NCAM2: variants seen among roughly 807,000 people sequenced by gnomAD.
The protein encoded by NCAM2 is N-CAM-2.
In NCAM2, 30 loss-of-function variants were observed where a neutral mutation model predicts 98.1. That is an observed-to-expected ratio of 0.31 (90% CI 0.23 to 0.41). NCAM2 has a LOEUF of 0.41. Ranked by LOEUF, NCAM2 falls within the 10% of genes least tolerant of loss-of-function variation. The pLI is 1.00. For missense variants in NCAM2, 867 were observed against 1,005.8 expected (o/e 0.86, Z 1.87); for synonymous variants, 368 against 342.4 (o/e 1.07, Z -0.83).
chr21:21,485,781 CTG>C (rs1986298344), intron 15 of NCAM2, among the ~76,000 whole-genome samples: 1 of 152,166 alleles, frequency 6.6e-6, no homozygotes, highest in African/African-American at 2.4e-5. Context: ...GTTCTGGACT[CTG>C]TGATTCATTC....
intron 12 of NCAM2, among the ~76,000 whole-genome samples, chr21:21,441,333 AG>A (rs1243691751): frequency 6.6e-6 from 1 of 152,194 alleles, no homozygotes. Flanking sequence ...TCTGGCACAA[AG>A]TGATTACTCA....
chr21:21,043,001 A>G (rs772479752), intron 1 of NCAM2, among the ~76,000 whole-genome samples: 10 of 152,234 alleles, frequency 6.6e-5, no homozygotes, highest in Admixed American at 2.6e-4. Flanking sequence ...TTACTCAAGC[A>G]TTTATGTTTT....
chr21:21,154,775 T>C (rs1297485085), intron 1 of NCAM2, among the ~76,000 whole-genome samples: 2 of 151,830 alleles, frequency 1.3e-5, no homozygotes, highest in Non-Finnish European at 2.9e-5. Flanking sequence ...ATACTCTGAG[T>C]TACAAATTGT....
intron 1 of NCAM2, among the ~76,000 whole-genome samples, chr21:21,031,838 ACG>A (rs1169291519): frequency 7.9e-5 from 12 of 151,934 alleles, no homozygotes; most frequent in Non-Finnish European, 1.5e-4. Context: ...ACTCACACAC[ACG>A]TGTGCTTGTG....
chr21:21,290,188 C>T (rs1291868218), intron 4 of NCAM2: 1 of 151,774 alleles, frequency 6.6e-6, no homozygotes, highest in East Asian at 1.9e-4. Context: ...TATATTTTTC[C>T]TAATTCACAT....
chr21:21,158,124 A>T (rs999267112), intron 1 of NCAM2, among the ~76,000 whole-genome samples: 5 of 152,182 alleles, frequency 3.3e-5, no homozygotes, highest in Admixed American at 6.5e-5. Flanking sequence ...TACTGGCAAA[A>T]CTACCCTCTT....
At chr21:21,015,417 A>G (rs1490353136) in intron 1 of NCAM2, among the ~76,000 whole-genome samples, 1 of 152,218 alleles carries the variant, frequency 6.6e-6, no homozygotes, top group Non-Finnish European at 1.5e-5. Context: ...AACCATTTAC[A>G]TGGAGGCAAG....
In NCAM2 at chr21:21,007,077, C is replaced by T. The variant is rs148957764; in HGVS notation, c.55+8459C>T. ...ATTTTTTACTGCACAAGTTTTCAGA[C>T]CCCAGAGATTTTCAGGGATGCAAAT... On this transcript the variant is annotated intron_variant, in intron 1 of 17. Coordinates refer to ENST00000400546, the MANE Select transcript of NCAM2 (RefSeq NM_004540.5). Among the ~76,000 whole-genome samples the T allele has an allele frequency of 6.1e-3, 933 of 152,196 alleles. 30 individuals carry two copies. In the South Asian group the frequency reaches 0.086, roughly 14 times the overall value.
chr21:21,318,845 A>G (rs2074293744), intron 5 of NCAM2, among the ~76,000 whole-genome samples: 1 of 152,234 alleles, frequency 6.6e-6, no homozygotes, highest in Non-Finnish European at 1.5e-5. Context: ...AAGAGTGAAG[A>G]CTTATTTATA....
intron 1 of NCAM2, among the ~76,000 whole-genome samples, chr21:21,267,187 T>C (rs1568860480): frequency 6.6e-6 from 1 of 152,160 alleles, no homozygotes; most frequent in Admixed American, 6.6e-5. Context: ...TAGTTAGACA[T>C]AAATAAAGCA....
chr21:21,472,081 A>G (rs1373023244), intron 14 of NCAM2, among the ~76,000 whole-genome samples: 1 of 152,082 alleles, frequency 6.6e-6, no homozygotes, highest in African/African-American at 2.4e-5. Flanking sequence ...CATATAATTT[A>G]GTACATAGAT....
chr21:21,107,799 G>C (rs1202689604), intron 1 of NCAM2, among the ~76,000 whole-genome samples: 1 of 151,962 alleles, frequency 6.6e-6, no homozygotes, highest in Non-Finnish European at 1.5e-5. Flanking sequence ...CTACCCAGTG[G>C]ATATGAGCTG....
In NCAM2 at chr21:21,437,734, A is replaced by G. The variant is rs542290085; in HGVS notation, c.1654+5453A>G. ...TGCTCCTCTAGCTCCTGGTCTTTCCACACACTTCATTTTTGATGTTTCAGA... is the reference window on the plus strand; with the variant it reads ...TGCTCCTCTAGCTCCTGGTCTTTCCGCACACTTCATTTTTGATGTTTCAGA... On this transcript the variant is annotated intron_variant, in intron 12 of 17. Coordinates refer to ENST00000400546, the MANE Select transcript of NCAM2 (RefSeq NM_004540.5). Among the ~76,000 whole-genome samples the G allele has an allele frequency of 6.6e-5, 10 of 152,168 alleles. No homozygotes were observed. In the South Asian group the frequency reaches 2.1e-3, roughly 32 times the overall value.
At chr21:21,385,679 T>C (rs2076257225) in intron 9 of NCAM2, 2 of 1,283,950 alleles carry the variant, frequency 1.6e-6, no homozygotes, top group Non-Finnish European at 2.0e-6. Context: ...GAAGCAGGAA[T>C]TGAACTAAAC....
chr21:21,428,498 A>T (rs532126260), intron 11 of NCAM2, among the ~76,000 whole-genome samples: 1 of 152,188 alleles, frequency 6.6e-6, no homozygotes, highest in Non-Finnish European at 1.5e-5. Flanking sequence ...CTTTACAAAG[A>T]TTGATTTTGC....
At chr21:21,238,026 G>C (rs1380156523) in intron 1 of NCAM2, among the ~76,000 whole-genome samples, 1 of 139,600 alleles carries the variant, frequency 7.2e-6, no homozygotes, top group Non-Finnish European at 1.5e-5. Context: ...TGCAGTCTCG[G>C]TTCACTGCAA....
intron 8 of NCAM2, among the ~76,000 whole-genome samples, chr21:21,340,616 T>A (rs2075000205): frequency 6.6e-6 from 1 of 152,006 alleles, no homozygotes; most frequent in African/African-American, 2.4e-5. Flanking sequence ...ATAAAGAAAT[T>A]AAGTCTATTG....
intron 5 of NCAM2, among the ~76,000 whole-genome samples, chr21:21,314,229 A>C (rs987188949): frequency 2.0e-5 from 3 of 152,072 alleles, no homozygotes; most frequent in South Asian, 2.1e-4. Context: ...AAATTGTAAT[A>C]GTTTTCCTTT....
chr21:21,028,564 G>C (rs2064601561), intron 1 of NCAM2, among the ~76,000 whole-genome samples: 1 of 152,102 alleles, frequency 6.6e-6, no homozygotes. Flanking sequence ...AGAAAACTTT[G>C]GTGTGCAGCC....
Sources: allele counts gnomAD v4.1 joint callset (sites outside exome capture counted in the v4.1 genomes callset), GRCh38; gene constraint gnomAD v4.1.1; transcripts MANE v1.5; gene names NCBI Gene and HGNC (gene_info 2026-07-23, HGNC 2026-07-21).